The following FBXO34 variants were observed in gnomAD, a reference collection of about 807,000 sequenced individuals.
FBXO34 encodes F-box only protein 34.
FBXO34 carries 12 observed loss-of-function variants against 24.5 expected under a neutral mutation model. That is an observed-to-expected ratio of 0.49 (90% CI 0.31 to 0.79). FBXO34 has a LOEUF of 0.79. Among genes scored for constraint, FBXO34 ranks in the 30% least tolerant of loss-of-function variants. FBXO34 has a pLI of 0.04. For missense variants in FBXO34, 823 were observed against 857.7 expected (o/e 0.96, Z 0.51); for synonymous variants, 320 against 311.9 (o/e 1.03, Z -0.27).
chr14:55,407,536 A>G, the FBXO34 span, among the ~76,000 whole-genome samples: 2 of 152,182 alleles, frequency 1.3e-5, no homozygotes, highest in African/African-American at 2.4e-5. Flanking sequence ...AAGTGCTGGG[A>G]TTACAGGCAT....
chr14:55,367,144 T>C (rs1884697254), intron 2 of FBXO34: 2 of 152,392 alleles, frequency 1.3e-5, no homozygotes, highest in Admixed American at 6.5e-5. Flanking sequence ...TTCTATTCTT[T>C]AGCTTCATCT....
At chr14:55,427,308 A>G in the FBXO34 span, among the ~76,000 whole-genome samples, 1 of 152,178 alleles carries the variant, frequency 6.6e-6, no homozygotes, top group African/African-American at 2.4e-5. Context: ...AAAAAAGAAA[A>G]CATAATCAAG....
At chr14:55,307,637 A>G (rs1353038760) in intron 1 of FBXO34, among the ~76,000 whole-genome samples, 2 of 152,244 alleles carry the variant, frequency 1.3e-5, no homozygotes, top group Non-Finnish European at 2.9e-5. Flanking sequence ...GAGATAACCT[A>G]CTGACATGAG....
chr14:55,440,489 G>A, the FBXO34 span: 1 of 1,612,666 alleles, frequency 6.2e-7, no homozygotes, highest in Non-Finnish European at 8.5e-7. Flanking sequence ...GCGGGTAAGA[G>A]GGTAAGCGCG....
chr14:55,394,846 G>A, the FBXO34 span: 3 of 322,690 alleles, frequency 9.3e-6, no homozygotes, highest in South Asian at 8.1e-5. Context: ...ACTACGGAAT[G>A]CTAAGCTGAC....
chr14:55,296,382 GTTTTTTTTGTT>G (rs1345360749), intron 1 of FBXO34, among the ~76,000 whole-genome samples: 37 of 95,820 alleles, frequency 3.9e-4, no homozygotes, highest in African/African-American at 9.1e-4. Context: ...CTGTTCTTGT[GTTTTTTTTGTT>G]TTTTTTTTTT....
intron 1 of FBXO34, among the ~76,000 whole-genome samples, chr14:55,304,151 G>C (rs565687365): frequency 3.9e-5 from 6 of 152,214 alleles, no homozygotes; most frequent in African/African-American, 1.4e-4. Flanking sequence ...CTAAGTCTAT[G>C]TTTATGCTTG....
chr14:55,283,774 T>C (rs1881644398), intron 1 of FBXO34, among the ~76,000 whole-genome samples: 1 of 152,224 alleles, frequency 6.6e-6, no homozygotes, highest in South Asian at 2.1e-4. Flanking sequence ...AATTTATTCT[T>C]TTTATTTAAC....
chr14:55,433,862 G>T, the FBXO34 span: 3 of 616,530 alleles, frequency 4.9e-6, no homozygotes, highest in Non-Finnish European at 8.1e-6. Flanking sequence ...CTACATTAAG[G>T]TTAACAAAAA....
At chr14:55,293,233 C>T (rs1176275514) in intron 1 of FBXO34, among the ~76,000 whole-genome samples, 1 of 152,044 alleles carries the variant, frequency 6.6e-6, no homozygotes, top group Non-Finnish European at 1.5e-5. Context: ...GGCTGTGGTG[C>T]ATTGGCACAA....
chr14:55,332,215 G>T (rs2140051597), intron 1 of FBXO34, among the ~76,000 whole-genome samples: 1 of 151,616 alleles, frequency 6.6e-6, no homozygotes, highest in South Asian at 2.1e-4. Flanking sequence ...ATTAAATCAG[G>T]TTTGCTAGCA....
the FBXO34 span, among the ~76,000 whole-genome samples, chr14:55,393,284 C>G: frequency 2.0e-5 from 3 of 151,908 alleles, no homozygotes; most frequent in Non-Finnish European, 4.4e-5. Context: ...ACTCGGGAGG[C>G]TGAGGCAGGA....
intron 1 of FBXO34, among the ~76,000 whole-genome samples, chr14:55,299,729 CT>C (rs1488137069): frequency 6.6e-6 from 1 of 152,112 alleles, no homozygotes; most frequent in Non-Finnish European, 1.5e-5. Flanking sequence ...GTGGTTATCA[CT>C]TTTAAATGAC....
chr14:55,349,611 T>TC (rs1305058247), intron 1 of FBXO34, among the ~76,000 whole-genome samples: 23 of 146,930 alleles, frequency 1.6e-4, no homozygotes, highest in African/African-American at 5.5e-4. Flanking sequence ...AATTTTCTTT[T>TC]TTTTTTTTTT....
rs576664113 is a variant in FBXO34, at chr14:55,349,832, C to T, written c.-10-549C>T. On this transcript the variant is annotated intron_variant, in intron 1 of 1. Transcript: ENST00000313833. ...ATGTTGGCCGGGCTGGTCTTCAACT[C>T]CTGTCCCCACGTGATACGCCTGCCT... Among the ~76,000 whole-genome samples, 2 of 152,034 alleles carry T rather than the reference C, an allele frequency of 1.3e-5. 1 individual carries two copies. Among genetic ancestry groups the T allele is most frequent in the African/African-American group, 4.8e-5 (2 of 41,476 alleles).
At chr14:55,379,852 G>A in the FBXO34 span, among the ~76,000 whole-genome samples, 2 of 152,172 alleles carry the variant, frequency 1.3e-5, no homozygotes, top group African/African-American at 4.8e-5. Context: ...CCTCCAAATA[G>A]CTGGGATACA....
At chr14:55,334,952 A>T (rs1188186510) in intron 1 of FBXO34, among the ~76,000 whole-genome samples, 2 of 152,252 alleles carry the variant, frequency 1.3e-5, no homozygotes, top group African/African-American at 4.8e-5. Flanking sequence ...TGTGGGAGGT[A>T]TAGTGGGATT....
downstream of FBXO34, among the ~76,000 whole-genome samples, chr14:55,357,860 A>T (rs542412275): frequency 6.6e-6 from 1 of 152,348 alleles, no homozygotes; most frequent in Non-Finnish European, 1.5e-5. Context: ...AGTTAAATAA[A>T]AAATAAAAAA....
the FBXO34 span, among the ~76,000 whole-genome samples, chr14:55,396,776 G>A: frequency 2.0e-5 from 3 of 152,196 alleles, no homozygotes; most frequent in African/African-American, 7.2e-5. Context: ...GGTTCTATAG[G>A]ACAATTCTCA....
Sources: gnomAD v4.1 joint callset for allele counts (sites outside exome capture counted in the v4.1 genomes callset) on GRCh38, gnomAD v4.1.1 for gene constraint, MANE v1.5 for transcripts, NCBI Gene and HGNC (gene_info 2026-07-23, HGNC 2026-07-21) for gene names.